Variants in SLC9A9 observed in about 807,000 individuals in gnomAD.
SLC9A9 encodes sodium/hydrogen exchanger 9.
SLC9A9 carries 62 observed loss-of-function variants against 77.8 expected under a neutral mutation model. The observed-to-expected ratio is 0.80, with a 90% CI of 0.65 to 0.98. SLC9A9 has a LOEUF of 0.98. SLC9A9 is among the 50% of genes least tolerant of loss of function. The probability of loss-of-function intolerance (pLI) is 0.00; values close to 1 mark genes in which losing one functional copy is unlikely to be tolerated. For synonymous variants in SLC9A9, 320 were observed against 283.5 expected (o/e 1.13, Z -1.29); for missense variants, 775 against 774.9 (o/e 1.00, Z 0.00).
At chr3:143,526,979 T>C (rs7624412) in intron 9 of SLC9A9, among the ~76,000 whole-genome samples, 15,272 of 152,226 alleles carry the variant, frequency 0.1, 1,418 homozygotes, top group East Asian at 0.43. Flanking sequence ...AAAGCCGATC[T>C]GCCCTGTGAG....
intron 14 of SLC9A9, among the ~76,000 whole-genome samples, chr3:143,358,757 G>A (rs2032658913): frequency 6.6e-6 from 1 of 152,180 alleles, no homozygotes; most frequent in South Asian, 2.1e-4. Flanking sequence ...TCCTCATTAT[G>A]AGAGATTGCT....
intron 1 of SLC9A9, among the ~76,000 whole-genome samples, chr3:143,837,300 C>T (rs2009591633): frequency 6.6e-6 from 1 of 152,092 alleles, no homozygotes; most frequent in African/African-American, 2.4e-5. Context: ...GCAAGCACAG[C>T]TATATACATA....
At chr3:143,386,673 A>G (rs2033434165) in intron 12 of SLC9A9, among the ~76,000 whole-genome samples, 1 of 152,204 alleles carries the variant, frequency 6.6e-6, no homozygotes, top group East Asian at 1.9e-4. Flanking sequence ...TTCAGAGATA[A>G]GCCCTCCTAG....
At chr3:143,825,016 G>A (rs2009263404) in intron 2 of SLC9A9, among the ~76,000 whole-genome samples, 1 of 152,178 alleles carries the variant, frequency 6.6e-6, no homozygotes, top group Admixed American at 6.5e-5. Context: ...TGTCATGATA[G>A]AGAAACACAA....
intron 2 of SLC9A9, among the ~76,000 whole-genome samples, chr3:143,797,797 C>T (rs550103089): frequency 5.5e-4 from 83 of 152,178 alleles, no homozygotes; most frequent in South Asian, 3.1e-3. Flanking sequence ...CCACTACCTA[C>T]CCAAATCCTA....
chr3:143,652,396 G>C (rs763302754), intron 5 of SLC9A9, 36 bp from the exon 6 acceptor site: 4 of 1,536,192 alleles, frequency 2.6e-6, no homozygotes, highest in African/African-American at 1.4e-5. Context: ...GGTTAGCTTG[G>C]ATGCAGGCAT....
At chr3:143,725,240 G>A (rs1934609225) in intron 4 of SLC9A9, among the ~76,000 whole-genome samples, 1 of 152,116 alleles carries the variant, frequency 6.6e-6, no homozygotes, top group East Asian at 1.9e-4. Context: ...GAAACAACAG[G>A]TGCTGGAAAG....
chr3:143,627,753 T>C (rs997726186), intron 6 of SLC9A9: 1 of 153,218 alleles, frequency 6.5e-6, no homozygotes, highest in Non-Finnish European at 1.5e-5. Context: ...GTTGCTGTCA[T>C]TTCCTACTGG....
intron 3 of SLC9A9, among the ~76,000 whole-genome samples, chr3:143,796,606 A>G (rs2008392011): frequency 6.6e-6 from 1 of 152,216 alleles, no homozygotes; most frequent in Non-Finnish European, 1.5e-5. Flanking sequence ...ACGCATTTCA[A>G]GAGCTCAATA....
intron 4 of SLC9A9, among the ~76,000 whole-genome samples, chr3:143,704,783 A>G (rs6796864): frequency 0.53 from 80,603 of 151,348 alleles, 21,822 homozygotes; most frequent in Non-Finnish European, 0.57. Flanking sequence ...ACCTGAGGTT[A>G]GGGGTTCAAG....
At chr3:143,511,425 C>A (rs2036113901) in intron 9 of SLC9A9, among the ~76,000 whole-genome samples, 1 of 152,218 alleles carries the variant, frequency 6.6e-6, no homozygotes, top group Non-Finnish European at 1.5e-5. Context: ...AAGGAGCCAG[C>A]AGCTGAAGCT....
At chr3:143,802,175 A>G (rs1450099990) in intron 2 of SLC9A9, among the ~76,000 whole-genome samples, 1 of 152,106 alleles carries the variant, frequency 6.6e-6, no homozygotes, top group Non-Finnish European at 1.5e-5. Context: ...CATAAGGCAA[A>G]TGGTTCTTAG....
At chr3:143,625,502 C>A (rs1213114368) in intron 6 of SLC9A9, among the ~76,000 whole-genome samples, 4 of 152,160 alleles carry the variant, frequency 2.6e-5, no homozygotes, top group Non-Finnish European at 5.9e-5. Flanking sequence ...CTGACAAAAA[C>A]AAACAATGGG....
At chr3:143,470,372 A>G (rs2035357313) in intron 11 of SLC9A9, among the ~76,000 whole-genome samples, 1 of 151,622 alleles carries the variant, frequency 6.6e-6, no homozygotes, top group Non-Finnish European at 1.5e-5. Flanking sequence ...CCCAGCTACT[A>G]TGGAGGCTGA....
intron 14 of SLC9A9, among the ~76,000 whole-genome samples, chr3:143,302,006 C>T (rs1263522081): frequency 1.3e-5 from 2 of 152,206 alleles, no homozygotes; most frequent in Non-Finnish European, 2.9e-5. Context: ...TGTCCTCCTT[C>T]ACCCTAGGAA....
chr3:143,407,813 T>A (rs1377457032), intron 12 of SLC9A9, among the ~76,000 whole-genome samples: 1 of 152,252 alleles, frequency 6.6e-6, no homozygotes, highest in Non-Finnish European at 1.5e-5. Flanking sequence ...TTAATATGCA[T>A]ACTCATTACC....
intron 6 of SLC9A9, among the ~76,000 whole-genome samples, chr3:143,606,768 A>T (rs983042572): frequency 6.6e-6 from 1 of 151,948 alleles, no homozygotes; most frequent in Non-Finnish European, 1.5e-5. Flanking sequence ...ACAGGTTAAA[A>T]AACAAAAAGA....
chr3:143,595,923 T>G (rs1217539749), intron 6 of SLC9A9, among the ~76,000 whole-genome samples: 1 of 152,170 alleles, frequency 6.6e-6, no homozygotes, highest in East Asian at 1.9e-4. Context: ...ATATGCTGCT[T>G]TGTCTTAGTA....
chr3:143,596,258 A>G (rs1371643474), intron 6 of SLC9A9, among the ~76,000 whole-genome samples: 1 of 152,216 alleles, frequency 6.6e-6, no homozygotes, highest in Admixed American at 6.5e-5. Context: ...GAGATAAAGC[A>G]GATAATATAA....
Sources: allele counts gnomAD v4.1 joint callset (sites outside exome capture counted in the v4.1 genomes callset), GRCh38; gene constraint gnomAD v4.1.1; transcripts MANE v1.5; gene names NCBI Gene and HGNC (gene_info 2026-07-23, HGNC 2026-07-21).